CTXND2: variants seen among roughly 807,000 people sequenced by gnomAD.
CTXND2 encodes the protein cortexin domain containing 2.
At chr1:150,902,384 G>A (rs1669054558) in intron 1 of CTXND2, among the ~76,000 whole-genome samples, 3 of 151,262 alleles carry the variant, frequency 2.0e-5, no homozygotes. Flanking sequence ...TCAAGCCTGG[G>A]CAACAGAGAG....
At chr1:150,901,768 A>T (rs1669039977) in intron 1 of CTXND2, among the ~76,000 whole-genome samples, 1 of 151,712 alleles carries the variant, frequency 6.6e-6, no homozygotes, top group Non-Finnish European at 1.5e-5. Context: ...CAAAAAAAAA[A>T]TTAGCTGGGC....
At chr1:150,893,899 G>A (rs1668883541) in intron 1 of CTXND2, among the ~76,000 whole-genome samples, 2 of 152,160 alleles carry the variant, frequency 1.3e-5, no homozygotes, top group South Asian at 4.2e-4. Context: ...GCACCCTCAG[G>A]CATAAATGGG....
rs750719962 is a variant in CTXND2, at chr1:150,888,137, A to G, written c.-74+824A>G. Reference sequence around the variant, plus strand: ...TTAGCTCTACCATTTTTGAAAGTGTATTTCTCAAGAAAAGCTATTTTGCAT... The same window carrying G: ...TTAGCTCTACCATTTTTGAAAGTGTGTTTCTCAAGAAAAGCTATTTTGCAT... On this transcript the variant is annotated intron_variant, in intron 1 of 1. Transcript: ENST00000636087. 5.2e-4 allele frequency among the ~76,000 whole-genome samples: 79 copies of G among 152,004 alleles called. 3 individuals carry two copies. Among genetic ancestry groups the G allele is most frequent in the Admixed American group, 9.2e-4 (14 of 15,236 alleles).
At chr1:150,901,122 A>C (rs1248962779) in intron 1 of CTXND2, among the ~76,000 whole-genome samples, 1 of 152,204 alleles carries the variant, frequency 6.6e-6, no homozygotes, top group Non-Finnish European at 1.5e-5. Flanking sequence ...AGAAAAACAC[A>C]AACAGAAAGA....
intron 1 of CTXND2, among the ~76,000 whole-genome samples, chr1:150,889,999 A>G (rs1277196157): frequency 6.6e-6 from 1 of 152,076 alleles, no homozygotes; most frequent in Admixed American, 6.6e-5. Context: ...CGATACCTGA[A>G]AGAACAAAAT....
At chr1:150,911,930 T>G (rs932606922) in intron 1 of CTXND2, among the ~76,000 whole-genome samples, 1 of 152,208 alleles carries the variant, frequency 6.6e-6, no homozygotes, top group Non-Finnish European at 1.5e-5. Flanking sequence ...GGATTTTGAC[T>G]TAACACAGAA....
chr1:150,901,967 T>C (rs1056355486), intron 1 of CTXND2, among the ~76,000 whole-genome samples: 3 of 151,168 alleles, frequency 2.0e-5, no homozygotes, highest in African/African-American at 7.3e-5. Flanking sequence ...ATAGTCTTTT[T>C]AATAAATAAT....
intron 1 of CTXND2, among the ~76,000 whole-genome samples, chr1:150,892,210 A>G (rs1668860012): frequency 6.6e-6 from 1 of 152,206 alleles, no homozygotes; most frequent in African/African-American, 2.4e-5. Context: ...TGAAGTCATA[A>G]AGATATGTCA....
chr1:150,888,451 G>A (rs1366676993), intron 1 of CTXND2, among the ~76,000 whole-genome samples: 6 of 151,654 alleles, frequency 4.0e-5, no homozygotes, highest in East Asian at 1.9e-4. Flanking sequence ...CCTGACCGAA[G>A]GTGATCCCCC....
chr1:150,900,802 G>C (rs961764405), intron 1 of CTXND2, among the ~76,000 whole-genome samples: 1 of 152,126 alleles, frequency 6.6e-6, no homozygotes, highest in Admixed American at 6.6e-5. Context: ...CAAAATACAT[G>C]AACAGACCAT....
intron 1 of CTXND2, among the ~76,000 whole-genome samples, chr1:150,902,065 A>C (rs587691546): frequency 1.3e-5 from 2 of 152,228 alleles, no homozygotes; most frequent in African/African-American, 4.8e-5. Flanking sequence ...CAGGAGTTCA[A>C]GATTAGCCTG....
chr1:150,899,833 G>A (rs2102597902), intron 1 of CTXND2, among the ~76,000 whole-genome samples: 1 of 152,298 alleles, frequency 6.6e-6, no homozygotes, highest in South Asian at 2.1e-4. Context: ...AGTGAGACAT[G>A]AAGCTATCTG....
intron 1 of CTXND2, among the ~76,000 whole-genome samples, chr1:150,890,068 T>C (rs1357095272): frequency 1.3e-5 from 2 of 152,042 alleles, no homozygotes; most frequent in African/African-American, 2.4e-5. Context: ...GCAACAGAAG[T>C]ATAGTATCTA....
At chr1:150,906,762 A>G (rs1426169500) in intron 1 of CTXND2, among the ~76,000 whole-genome samples, 1 of 152,172 alleles carries the variant, frequency 6.6e-6, no homozygotes, top group Non-Finnish European at 1.5e-5. Flanking sequence ...CCCTTGAAGG[A>G]CTTCAGGTGT....
At chr1:150,900,377 C>T (rs587730377) in intron 1 of CTXND2, among the ~76,000 whole-genome samples, 44 of 152,200 alleles carry the variant, frequency 2.9e-4, no homozygotes, top group African/African-American at 1.0e-3. Flanking sequence ...AAAGTCCAGA[C>T]GCATCTGAAC....
In CTXND2 at chr1:150,888,250, G is replaced by A. The variant is rs753071176; in HGVS notation, c.-74+937G>A. On this transcript the variant is annotated intron_variant, in intron 1 of 1. Coordinates refer to ENST00000636087, the Ensembl canonical transcript of CTXND2. ...TTTTTTTTTGAGACAGTCTCACTCT[G>A]CCGCCTAGGCTGGAGTGCAGTGGCG... 6.4e-4 allele frequency among the ~76,000 whole-genome samples: 93 copies of A among 144,896 alleles called. 1 individual carries two copies. Among genetic ancestry groups the A allele is most frequent in the Non-Finnish European group, 1.2e-3 (78 of 66,852 alleles).
chr1:150,899,340 C>T (rs965857840), intron 1 of CTXND2, among the ~76,000 whole-genome samples: 2 of 151,906 alleles, frequency 1.3e-5, no homozygotes, highest in African/African-American at 4.8e-5. Flanking sequence ...GAAGCTGAAG[C>T]AAGAGGATCA....
chr1:150,895,548 T>C (rs1007624690), intron 1 of CTXND2, among the ~76,000 whole-genome samples: 8 of 152,138 alleles, frequency 5.3e-5, no homozygotes, highest in African/African-American at 1.7e-4. Context: ...TTCACTATGT[T>C]GACTAGGCTG....
At chr1:150,905,230 A>G (rs888247256) in intron 1 of CTXND2, among the ~76,000 whole-genome samples, 22 of 146,424 alleles carry the variant, frequency 1.5e-4, no homozygotes, top group African/African-American at 4.8e-4. Context: ...TGCAACTTCT[A>G]CCTCCCGGAT....
Sources: gnomAD v4.1 joint callset for allele counts (sites outside exome capture counted in the v4.1 genomes callset) on GRCh38, gnomAD v4.1.1 for gene constraint, MANE v1.5 for transcripts, NCBI Gene and HGNC (gene_info 2026-07-23, HGNC 2026-07-21) for gene names.